The following HPSE2 variants were observed in gnomAD, a reference collection of about 807,000 sequenced individuals.
HPSE2 encodes inactive heparanase-2.
Under a neutral mutation model 60.5 loss-of-function variants are expected in HPSE2, and 38 were observed. The ratio of observed to expected loss-of-function variants is 0.63; its 90% CI spans 0.48 to 0.82. The LOEUF is 0.82. Ranked by LOEUF, HPSE2 falls within the 40% of genes least tolerant of loss-of-function variation. HPSE2 has a pLI of 0.00. For missense variants in HPSE2, 713 were observed against 740.4 expected (o/e 0.96, Z 0.43); for synonymous variants, 295 against 293.2 (o/e 1.01, Z -0.06).
intron 5 of HPSE2, among the ~76,000 whole-genome samples, chr10:98,716,465 ATT>A (rs1948793898): frequency 6.6e-6 from 1 of 151,278 alleles, no homozygotes. Flanking sequence ...AAATAAATAA[ATT>A]TAAAAAAATA....
At chr10:98,858,676 G>A (rs762142641) in intron 3 of HPSE2, among the ~76,000 whole-genome samples, 6 of 152,198 alleles carry the variant, frequency 3.9e-5, no homozygotes, top group Non-Finnish European at 8.8e-5. Flanking sequence ...TCATTTGTAA[G>A]GGGAATGATT....
chr10:98,769,409 AT>A (rs1161001886), intron 3 of HPSE2, among the ~76,000 whole-genome samples: 1 of 152,150 alleles, frequency 6.6e-6, no homozygotes, highest in Non-Finnish European at 1.5e-5. Flanking sequence ...ATAATTAAAG[AT>A]GTTTTCTTAG....
chr10:98,777,682 T>A (rs1041885809), intron 3 of HPSE2, among the ~76,000 whole-genome samples: 1 of 152,186 alleles, frequency 6.6e-6, no homozygotes, highest in Non-Finnish European at 1.5e-5. Flanking sequence ...AAAACCTCTA[T>A]GTTAAGCCCT....
At chr10:98,659,935 T>G (rs1223350062) in intron 6 of HPSE2, among the ~76,000 whole-genome samples, 1 of 152,186 alleles carries the variant, frequency 6.6e-6, no homozygotes, top group African/African-American at 2.4e-5. Flanking sequence ...CTAGGAGACT[T>G]GGTATTGCTA....
intron 3 of HPSE2, among the ~76,000 whole-genome samples, chr10:98,860,572 T>C (rs1475462458): frequency 6.6e-6 from 1 of 152,122 alleles, no homozygotes; most frequent in Non-Finnish European, 1.5e-5. Flanking sequence ...ATATGCCCAT[T>C]TACAGATGGG....
At chr10:99,045,662 G>C (rs867579405) in intron 3 of HPSE2, among the ~76,000 whole-genome samples, 1 of 152,066 alleles carries the variant, frequency 6.6e-6, no homozygotes, top group Non-Finnish European at 1.5e-5. Context: ...CTTTACAACT[G>C]ATCCCATAGA....
At chr10:98,501,217 C>A (rs1220163786) in intron 9 of HPSE2, among the ~76,000 whole-genome samples, 1 of 151,970 alleles carries the variant, frequency 6.6e-6, no homozygotes, top group Non-Finnish European at 1.5e-5. Context: ...ACCCTAAAAC[C>A]AAAACCAGGA....
chr10:98,693,762 T>G, intron 6 of HPSE2, 138 bp downstream of exon 6: 1 of 772,442 alleles, frequency 1.3e-6, no homozygotes, highest in South Asian at 1.4e-5. Flanking sequence ...TAAAAACAAC[T>G]TTGGAGTTAC....
chr10:99,264,568 A>C, the HPSE2 span, among the ~76,000 whole-genome samples: 1 of 152,192 alleles, frequency 6.6e-6, no homozygotes, highest in African/African-American at 2.4e-5. Flanking sequence ...AACATAAAAA[A>C]ACTCAAGGGT....
At chr10:98,890,433 A>G (rs1953301418) in intron 3 of HPSE2, among the ~76,000 whole-genome samples, 1 of 152,226 alleles carries the variant, frequency 6.6e-6, no homozygotes, top group Non-Finnish European at 1.5e-5. Context: ...ATGATATAGT[A>G]CTAACTGAGG....
chr10:98,626,230 A>G (rs1946210987), intron 7 of HPSE2, among the ~76,000 whole-genome samples: 1 of 152,272 alleles, frequency 6.6e-6, no homozygotes, highest in Admixed American at 6.5e-5. Flanking sequence ...AAATCAAGGA[A>G]TTTGTTTGCA....
chr10:99,039,013 A>G (rs888503890), intron 3 of HPSE2, among the ~76,000 whole-genome samples: 1 of 152,106 alleles, frequency 6.6e-6, no homozygotes, highest in African/African-American at 2.4e-5. Flanking sequence ...TGGCAGCAAC[A>G]ATACATTTTT....
At chr10:99,051,209 G>A (rs1160585747) in intron 3 of HPSE2, among the ~76,000 whole-genome samples, 1 of 152,156 alleles carries the variant, frequency 6.6e-6, no homozygotes, top group Non-Finnish European at 1.5e-5. Flanking sequence ...CATGAACCCA[G>A]GAGGCAGTGA....
chr10:98,543,388 A>G (rs1246478546), intron 9 of HPSE2, among the ~76,000 whole-genome samples: 1 of 152,226 alleles, frequency 6.6e-6, no homozygotes, highest in African/African-American at 2.4e-5. Context: ...CAAAATGTAA[A>G]GACCAACGAG....
chr10:98,511,555 GGTGTGTGTGTGTGTGTGTGTGTGTGT>G (rs6144045), intron 9 of HPSE2, among the ~76,000 whole-genome samples: 1 of 140,734 alleles, frequency 7.1e-6, no homozygotes, highest in Non-Finnish European at 1.6e-5. Context: ...ACATAACTAT[GGTGTGTGTGTGTGTGTGTGTGTGTGT>G]GTGTGTGTGT....
the HPSE2 span, among the ~76,000 whole-genome samples, chr10:99,279,766 C>T: frequency 6.6e-6 from 1 of 152,150 alleles, no homozygotes; most frequent in Non-Finnish European, 1.5e-5. Context: ...AAAATGTGTT[C>T]CACCCCCTCA....
At chr10:99,039,374 G>A (rs1392487433) in intron 3 of HPSE2, among the ~76,000 whole-genome samples, 1 of 151,916 alleles carries the variant, frequency 6.6e-6, no homozygotes, top group African/African-American at 2.4e-5. Context: ...CACCAACCAT[G>A]CCAAGCCTCT....
At chr10:98,682,555 G>T (rs1947814198) in intron 6 of HPSE2, among the ~76,000 whole-genome samples, 1 of 152,114 alleles carries the variant, frequency 6.6e-6, no homozygotes, top group South Asian at 2.1e-4. Flanking sequence ...TGATCAGGTG[G>T]CTGACTGGCA....
intron 3 of HPSE2, among the ~76,000 whole-genome samples, chr10:99,115,859 G>C (rs1396126910): frequency 1.3e-5 from 2 of 152,138 alleles, no homozygotes; most frequent in Non-Finnish European, 2.9e-5. Context: ...GAGAAAAGGG[G>C]AACTTCTAGT....
Sources: gnomAD v4.1 joint callset for allele counts (sites outside exome capture counted in the v4.1 genomes callset) on GRCh38, gnomAD v4.1.1 for gene constraint, MANE v1.5 for transcripts, NCBI Gene and HGNC (gene_info 2026-07-23, HGNC 2026-07-21) for gene names.